The following ADGB variants were observed in gnomAD, a reference collection of about 807,000 sequenced individuals.
The protein encoded by ADGB is androglobin.
Under a neutral mutation model 210.5 loss-of-function variants are expected in ADGB, and 172 were observed. The observed-to-expected ratio is 0.82, with a 90% CI of 0.72 to 0.93. The LOEUF is 0.93. ADGB is among the 40% of genes least tolerant of loss of function. ADGB has a pLI of 0.00. For missense variants in ADGB, 2,025 were observed against 1,964.8 expected, an observed-to-expected ratio of 1.03 and a Z score of -0.58; for synonymous variants, 658 against 662.7, an observed-to-expected ratio of 0.99 and a Z score of 0.11.
chr6:146,614,194 TCCC>T lies in ADGB; in HGVS notation c.74+15081_74+15083del, dbSNP rs1562255184. ...TGTTTTCTCTCCCTCCCTCCCTCCC[TCCC>T]TCCCTTCCTCCCTTCCTTCCTCCCT... On this transcript the variant is annotated intron_variant, in intron 1 of 35. Transcript: ENST00000397944. Among the ~76,000 whole-genome samples the T allele has an allele frequency of 2.3e-4, 21 of 90,198 alleles. No individual in the cohort carries two copies. The South Asian group carries it at 8.8e-3, about 38-fold the overall frequency. 59.2% of individuals were successfully genotyped at this position (90,198 alleles called of 152,430 possible).
chr6:146,711,636 G>A (rs910413302), intron 13 of ADGB, among the ~76,000 whole-genome samples: 3 of 152,032 alleles, frequency 2.0e-5, no homozygotes, highest in African/African-American at 7.2e-5. Flanking sequence ...TTATATTTTG[G>A]CAGGATATAA....
intron 29 of ADGB, among the ~76,000 whole-genome samples, chr6:146,771,512 C>T (rs887240401): frequency 6.6e-6 from 1 of 152,128 alleles, no homozygotes; most frequent in Non-Finnish European, 1.5e-5. Flanking sequence ...TCCTACTTCC[C>T]CTGTGGTTCA....
intron 31 of ADGB, 131 bp downstream of exon 31, chr6:146,784,925 C>A (rs974456261): frequency 1.1e-6 from 1 of 896,544 alleles, no homozygotes; most frequent in Non-Finnish European, 1.6e-6. Flanking sequence ...ATCAGACAGG[C>A]ATTGAATAAC....
At chr6:146,729,075 A>G (rs879546472) in intron 20 of ADGB, among the ~76,000 whole-genome samples, 2 of 152,160 alleles carry the variant, frequency 1.3e-5, no homozygotes, top group Middle Eastern at 3.2e-3. Context: ...TCTTTTCCCC[A>G]CTGTTAGGTG....
At chr6:146,641,593 T>C (rs1437744442) in intron 2 of ADGB, among the ~76,000 whole-genome samples, 3 of 151,762 alleles carry the variant, frequency 2.0e-5, no homozygotes, top group Non-Finnish European at 4.4e-5. Context: ...AGCCCATAAG[T>C]AAGACCACAC....
chr6:146,672,181 ACAT>A, intron 7 of ADGB, 36 bp from the exon 8 acceptor site: 2 of 1,452,398 alleles, frequency 1.4e-6, no homozygotes, highest in Non-Finnish European at 1.8e-6. Context: ...AAAAAAAAAA[ACAT>A]CGTTTGGAAA....
intron 3 of ADGB, among the ~76,000 whole-genome samples, chr6:146,647,431 A>G (rs1176896650): frequency 6.6e-6 from 1 of 152,100 alleles, no homozygotes; most frequent in African/African-American, 2.4e-5. Context: ...CATGATGAAA[A>G]AAAGTACTTG....
intron 10 of ADGB, among the ~76,000 whole-genome samples, chr6:146,688,520 A>G (rs1484662963): frequency 6.6e-6 from 1 of 152,074 alleles, no homozygotes; most frequent in Non-Finnish European, 1.5e-5. Context: ...ATAAGGGGAG[A>G]AGACTTAAAG....
intron 3 of ADGB, among the ~76,000 whole-genome samples, chr6:146,650,681 G>A (rs1775688784): frequency 6.7e-6 from 1 of 148,484 alleles, no homozygotes; most frequent in Non-Finnish European, 1.5e-5. Context: ...GTGAGGAGAG[G>A]AGAAGCCTGT....
At chr6:146,628,002 G>C (rs1342050715) in intron 1 of ADGB, among the ~76,000 whole-genome samples, 1 of 152,080 alleles carries the variant, frequency 6.6e-6, no homozygotes, top group Non-Finnish European at 1.5e-5. Context: ...TCCAGATTTT[G>C]TGTTGTCTTA....
intron 33 of ADGB, among the ~76,000 whole-genome samples, chr6:146,798,656 T>C (rs1234881377): frequency 6.6e-6 from 1 of 151,580 alleles, no homozygotes; most frequent in Admixed American, 6.6e-5. Context: ...CTCTCCTATA[T>C]GCTAAACTTC....
chr6:146,696,010 A>T (rs1776396589), intron 12 of ADGB, among the ~76,000 whole-genome samples: 1 of 152,092 alleles, frequency 6.6e-6, no homozygotes. Context: ...AATATACTAA[A>T]ATTTGTGTCA....
At chr6:146,633,679 A>G (rs999889503) in intron 1 of ADGB, among the ~76,000 whole-genome samples, 1 of 151,996 alleles carries the variant, frequency 6.6e-6, no homozygotes, top group Non-Finnish European at 1.5e-5. Context: ...TTGCCTTACT[A>G]TAGATATTTT....
intron 1 of ADGB, among the ~76,000 whole-genome samples, chr6:146,600,959 CA>C (rs1780548403): frequency 6.7e-6 from 1 of 148,298 alleles, no homozygotes; most frequent in Admixed American, 6.7e-5. Flanking sequence ...CACACACACA[CA>C]CACACAAATA....
intron 12 of ADGB, among the ~76,000 whole-genome samples, chr6:146,696,657 T>G (rs1776407593): frequency 6.6e-6 from 1 of 152,192 alleles, no homozygotes; most frequent in South Asian, 2.1e-4. Context: ...GCCCTCACTT[T>G]TCTCTTTCAC....
chr6:146,600,633 T>C (rs1028185030), intron 1 of ADGB, among the ~76,000 whole-genome samples: 1 of 152,182 alleles, frequency 6.6e-6, no homozygotes, highest in African/African-American at 2.4e-5. Flanking sequence ...CAAAGCTCCC[T>C]GTCTTCCTTC....
At position 146,649,424 on chromosome 6, in the gene ADGB, C is replaced by T. The variant is rs571408476; in HGVS notation, c.330+4559C>T. Among the ~76,000 whole-genome samples, 26 of 151,968 alleles carry T rather than the reference C, an allele frequency of 1.7e-4. No homozygotes were observed. The South Asian group carries it at 5.4e-3, about 32-fold the overall frequency. On this transcript the variant is annotated intron_variant, in intron 3 of 35. Coordinates refer to ENST00000397944, the MANE Select transcript of ADGB (RefSeq NM_024694.4). The stretch of plus-strand genomic sequence containing the variant: ...AAAATAACTAGCAAAGGCAAACAAA[C>T]ATAAAACTTACCTAGACAAAAATGT...
chr6:146,691,357 T>C, intron 11 of ADGB, 67 bp downstream of exon 11: 2 of 1,304,548 alleles, frequency 1.5e-6, no homozygotes, highest in Non-Finnish European at 9.9e-7. Context: ...TCATCTGCGG[T>C]GAAAGATGTA....
intron 25 of ADGB, among the ~76,000 whole-genome samples, chr6:146,744,487 A>C (rs1777200645): frequency 6.6e-6 from 1 of 152,220 alleles, no homozygotes; most frequent in African/African-American, 2.4e-5. Flanking sequence ...CAATAAACTC[A>C]TGCTGGCTTT....
Sources: allele counts gnomAD v4.1 joint callset (sites outside exome capture counted in the v4.1 genomes callset), GRCh38; gene constraint gnomAD v4.1.1; transcripts MANE v1.5; gene names NCBI Gene and HGNC (gene_info 2026-07-23, HGNC 2026-07-21).